SPEN: variants seen among roughly 807,000 people sequenced by gnomAD.
The protein encoded by SPEN is msx2-interacting protein.
Under a neutral mutation model 269.9 loss-of-function variants are expected in SPEN, and 18 were observed. The observed-to-expected ratio is 0.07, with a 90% CI of 0.05 to 0.10. The LOEUF is 0.10. SPEN is among the 10% of genes least tolerant of loss of function. SPEN has a pLI of 1.00. For synonymous variants in SPEN, 1,726 were observed against 1,765.7 expected (o/e 0.98, Z 0.56); for missense variants, 3,822 against 4,631.2 (o/e 0.83, Z 5.07).
rs760443144 is a variant in SPEN at position 15,933,890 on chromosome 1, T to G, written c.7650T>G (p.Thr2550=). The part of the protein sequence containing the change: ...DPKYVSATSV[T]STSVTTAIAE... ...AGTATGTGTCTGCCACAAGTGTCAC[T>G]TCCACAAGTGTCACCACAGCCATTG... The change falls in exon 11 of 15, where the codon ACT becomes ACG. Residue 2550 remains threonine, a synonymous_variant. Coordinates refer to ENST00000375759, the MANE Select transcript of SPEN (RefSeq NM_015001.3). This position sits in a 1 kb window ranked among gnomAD's most constrained non-coding sequence, Gnocchi z 5.7. The G allele has an allele frequency of 6.2e-7, 1 of 1,613,994 alleles. No individual in the cohort carries two copies. The highest frequency in any genetic ancestry group is 1.1e-5 in the South Asian group (1 of 91,086).
intron 1 of SPEN, among the ~76,000 whole-genome samples, chr1:15,864,203 CTG>C (rs1336100256): frequency 1.3e-5 from 2 of 150,176 alleles, no homozygotes; most frequent in Non-Finnish European, 2.9e-5. Context: ...ATGTCTCACT[CTG>C]TTGCCCAGGC....
In SPEN at chr1:15,873,839, G is replaced by A; in HGVS notation, c.404+703G>A. 5 of 1,045,272 alleles carry A rather than the reference G, an allele frequency of 4.8e-6. No homozygotes were observed. The South Asian group carries it at 1.7e-4, about 36-fold the overall frequency. The allele number at this position is 1,045,272 out of a possible 1,614,324, so 64.7% of individuals were successfully genotyped here. A position where few individuals can be genotyped will look rare whatever the true frequency, so the allele number is the denominator to read the frequency against. On this transcript the variant is annotated intron_variant, in intron 2 of 14. Transcript: ENST00000375759. ...TATAGCCATTCTTTTCTAATTGCTG[G>A]GATATATGGGATGTCTTGCTGTCAA...
Position 15,928,396 on chromosome 1 carries a change from G to A in SPEN, c.2156G>A (p.Arg719Lys). 6.2e-7 allele frequency: 1 copy of A among 1,614,188 alleles called. No individual in the cohort carries two copies. The highest frequency in any genetic ancestry group is 2.2e-5 in the East Asian group (1 of 44,866). ...TCTGACCGGGACAGAGACCATGAGA[G>A]GAGGCCGATTGAACGAAGTCAAAGT... Reference protein sequence around the residue: ...FESDRDRDHERRPIERSQSPV... With the variant: ...FESDRDRDHEKRPIERSQSPV... The change falls in exon 11 of 15, where the codon AGG (arginine) becomes AAG (lysine). Residue 719 changes from arginine (R) to lysine (K), a missense_variant. Arg to Lys is a conservative substitution (Grantham distance 26). Around this residue, in one of 16 missense-constraint regions of SPEN, gnomAD observed 572 missense variants for 582.6 expected, o/e 0.98. Coordinates refer to ENST00000375759, the MANE Select transcript of SPEN (RefSeq NM_015001.3). The surrounding 1 kb of genome is among the most constrained non-coding windows in gnomAD (Gnocchi z 5.7).
intron 3 of SPEN, among the ~76,000 whole-genome samples, chr1:15,901,454 T>C (rs1352716622): frequency 4.7e-5 from 7 of 150,380 alleles, no homozygotes; most frequent in Admixed American, 4.6e-4. Context: ...CTAGACAACA[T>C]GGCAAGACCC....
At chr1:15,909,096 T>G (rs2070988233) in intron 3 of SPEN, among the ~76,000 whole-genome samples, 1 of 152,128 alleles carries the variant, frequency 6.6e-6, no homozygotes, top group Non-Finnish European at 1.5e-5. Flanking sequence ...ACACTTGCAT[T>G]GGTGGTATGT....
At chr1:15,877,041 T>C (rs1233040630) in intron 3 of SPEN, among the ~76,000 whole-genome samples, 3 of 152,224 alleles carry the variant, frequency 2.0e-5, no homozygotes, top group Non-Finnish European at 4.4e-5. Flanking sequence ...TCTATTATTT[T>C]GATTGAAGAT....
At chr1:15,864,153 T>C (rs963010249) in intron 1 of SPEN, among the ~76,000 whole-genome samples, 2 of 108,990 alleles carry the variant, frequency 1.8e-5, no homozygotes, top group African/African-American at 7.2e-5. Flanking sequence ...AGACAGCAAG[T>C]AGAATAGTGG....
At chr1:15,918,768 G>A (rs1283014121) in intron 6 of SPEN, among the ~76,000 whole-genome samples, 158 bp from the exon 7 acceptor site, 3 of 152,184 alleles carry the variant, frequency 2.0e-5, no homozygotes, top group African/African-American at 4.8e-5. Context: ...TAGCAAACTA[G>A]TAACTTACCA....
Position 15,864,568 on chromosome 1 carries a change from G to A in SPEN, c.84-8248G>A, listed in dbSNP as rs1008282269. ...AGTTATACATGTATGATAAATTTTT[G>A]TGAATGGAATTTCTAGGTGTGTGAA... is the stretch of plus-strand genomic sequence containing the variant. On this transcript the variant is annotated intron_variant, in intron 1 of 14. Coordinates refer to ENST00000375759, the MANE Select transcript of SPEN (RefSeq NM_015001.3). 7.8e-5 allele frequency among the ~76,000 whole-genome samples: 10 copies of A among 127,564 alleles called. No individual in the cohort carries two copies. The Admixed American group carries it at 8.4e-4, about 11-fold the overall frequency. 83.7% of individuals were successfully genotyped at this position (127,564 alleles called of 152,430 possible). A position where few individuals can be genotyped will look rare whatever the true frequency, so the allele number is the denominator to read the frequency against.
intron 5 of SPEN, among the ~76,000 whole-genome samples, chr1:15,914,374 A>G (rs2071037015): frequency 6.6e-6 from 1 of 152,202 alleles, no homozygotes; most frequent in Admixed American, 6.5e-5. Context: ...AATTTTTTGG[A>G]TGGCTTTGTT....
At chr1:15,878,402 A>G (rs533017790) in intron 3 of SPEN, among the ~76,000 whole-genome samples, 1 of 152,312 alleles carries the variant, frequency 6.6e-6, no homozygotes, top group Admixed American at 6.5e-5. Context: ...TAATTCAAAC[A>G]TTCTGGAAGA....
At chr1:15,873,939 A>C in intron 2 of SPEN, 1 of 1,163,550 alleles carries the variant, frequency 8.6e-7, no homozygotes, top group South Asian at 1.8e-5. Flanking sequence ...AAGGTACTTT[A>C]GCTTTGAACA....
intron 3 of SPEN, among the ~76,000 whole-genome samples, chr1:15,908,933 G>A (rs921495947): frequency 2.6e-5 from 4 of 151,952 alleles, no homozygotes; most frequent in Admixed American, 1.3e-4. Flanking sequence ...ATTTGTCCAC[G>A]GACATGTGCT....
intron 2 of SPEN, chr1:15,874,024 G>A (rs961092559): frequency 7.3e-6 from 9 of 1,224,976 alleles, no homozygotes; most frequent in Non-Finnish European, 9.4e-6. Context: ...AACTATTGGC[G>A]AGCAACTGTG....
At chr1:15,886,038 C>T (rs141939962) in intron 3 of SPEN, among the ~76,000 whole-genome samples, 2 of 152,306 alleles carry the variant, frequency 1.3e-5, no homozygotes, top group Non-Finnish European at 2.9e-5. Flanking sequence ...GCATAGCTCT[C>T]ATAATGGATA....
At chr1:15,858,469 TACA>T (rs2070408685) in intron 1 of SPEN, among the ~76,000 whole-genome samples, 1 of 152,164 alleles carries the variant, frequency 6.6e-6, no homozygotes, top group South Asian at 2.1e-4. Flanking sequence ...TCAGAATTGA[TACA>T]ACACTACCAC....
rs758533395 is a variant in SPEN, at chr1:15,931,515, C to T, written c.5275C>T (p.Leu1759Phe). ...TCCAGAGCCTGACAGTACCCAGCCA[C>T]TTTCAAAACCAGCTCAGAAGTCTGA... The part of the protein sequence containing the change: ...VDPEPDSTQP[L>F]SKPAQKSEEA... Residue 1759 changes from leucine to phenylalanine, a missense_variant, in exon 11 of 15, where the codon CTT (leucine) becomes TTT (phenylalanine). Physicochemically the swap from Leu to Phe is conservative, Grantham distance 22. Transcript: ENST00000375759. This position sits in a 1 kb window ranked among gnomAD's most constrained non-coding sequence, Gnocchi z 4.8. 6.2e-7 allele frequency: 1 copy of T among 1,614,186 alleles called. No homozygotes were observed. Among genetic ancestry groups the T allele is most frequent in the Non-Finnish European group, 8.5e-7 (1 of 1,180,042 alleles).
Position 15,930,450 on chromosome 1 carries a change from T to C in SPEN, c.4210T>C (p.Leu1404=). 6.2e-7 allele frequency: 1 copy of C among 1,614,204 alleles called. No homozygotes were observed. Among genetic ancestry groups the C allele is most frequent in the Non-Finnish European group, 8.5e-7 (1 of 1,180,036 alleles). ...CTCTGCATTATATGAAAGTTCTCGA[T>C]TGTCTTTTTTATTGAGGGACAGAGA... ...RASALYESSR[L]SFLLRDREDK... Residue 1404 remains leucine, a synonymous_variant, in exon 11 of 15, where the codon TTG becomes CTG. Coordinates refer to ENST00000375759, the MANE Select transcript of SPEN (RefSeq NM_015001.3). This position sits in a 1 kb window ranked among gnomAD's most constrained non-coding sequence, Gnocchi z 5.3.
chr1:15,920,453 T>C (rs183012024), intron 8 of SPEN, among the ~76,000 whole-genome samples: 15 of 152,372 alleles, frequency 9.8e-5, no homozygotes, highest in Admixed American at 7.2e-4. Flanking sequence ...AAGACAGTTA[T>C]GCTACTTGTA....
Sources: allele counts gnomAD v4.1 joint callset (sites outside exome capture counted in the v4.1 genomes callset), GRCh38; gene constraint gnomAD v4.1.1; regional missense constraint gnomAD v4.1.1; non-coding constraint Gnocchi (gnomAD v3.1); transcripts MANE v1.5; gene names NCBI Gene and HGNC (gene_info 2026-07-23, HGNC 2026-07-21).